RALYL: variants seen among roughly 807,000 people sequenced by gnomAD.
RALYL encodes the protein RALY RNA binding protein like.
RALYL carries 29 observed loss-of-function variants against 35.1 expected under a neutral mutation model. The ratio of observed to expected loss-of-function variants is 0.83; its 90% CI spans 0.61 to 1.13. The LOEUF is 1.13. Among genes scored for constraint, RALYL ranks in the 50% most tolerant of loss-of-function variants. The pLI, the probability that RALYL is intolerant of heterozygous loss-of-function variation, is 0.00. For synonymous variants in RALYL, 120 were observed against 127.6 expected (o/e 0.94, Z 0.40); for missense variants, 359 against 360.4 (o/e 1.00, Z 0.03).
chr8:84,490,079 ATGTGTGTGTGTGTGTGTG>A (rs143193843), intron 1 of RALYL, among the ~76,000 whole-genome samples: 2 of 144,358 alleles, frequency 1.4e-5, no homozygotes, highest in Admixed American at 1.4e-4. Flanking sequence ...GCTTGCGTGC[ATGTGTGTGTGTGTGTGTG>A]TGTGTGTGTG....
At chr8:84,572,542 G>A (rs1027146737) in intron 2 of RALYL, among the ~76,000 whole-genome samples, 19 of 151,778 alleles carry the variant, frequency 1.3e-4, no homozygotes, top group African/African-American at 4.6e-4. Context: ...AACTTATACA[G>A]TGGTATTGGC....
chr8:84,260,791 G>A (rs1832115969), intron 1 of RALYL, among the ~76,000 whole-genome samples: 1 of 152,094 alleles, frequency 6.6e-6, no homozygotes, highest in African/African-American at 2.4e-5. Flanking sequence ...CATAGAACCA[G>A]TTACCTAAAA....
At chr8:84,454,431 T>C (rs2049902371) in intron 1 of RALYL, among the ~76,000 whole-genome samples, 1 of 151,930 alleles carries the variant, frequency 6.6e-6, no homozygotes, top group Non-Finnish European at 1.5e-5. Context: ...CTACTTGCGA[T>C]CTTTAAGGAT....
intron 1 of RALYL, among the ~76,000 whole-genome samples, chr8:84,521,558 C>G (rs1421730584): frequency 6.6e-6 from 1 of 152,192 alleles, no homozygotes; most frequent in Non-Finnish European, 1.5e-5. Context: ...ATAGAACCCT[C>G]TGCCAAATTA....
chr8:84,494,385 G>T (rs2055743161), intron 1 of RALYL, among the ~76,000 whole-genome samples: 1 of 151,914 alleles, frequency 6.6e-6, no homozygotes, highest in African/African-American at 2.4e-5. Context: ...TTTGCTATGT[G>T]GGCTTTTTGG....
intron 8 of RALYL, among the ~76,000 whole-genome samples, chr8:84,898,536 A>G (rs1028690460): frequency 3.3e-5 from 5 of 152,208 alleles, no homozygotes; most frequent in African/African-American, 1.2e-4. Flanking sequence ...GACACTTCAC[A>G]AAAGAGGTAA....
At chr8:84,324,881 C>A (rs1006940587) in intron 1 of RALYL, among the ~76,000 whole-genome samples, 1 of 152,046 alleles carries the variant, frequency 6.6e-6, no homozygotes, top group African/African-American at 2.4e-5. Context: ...TAATAATGTG[C>A]TTTCATCAGG....
chr8:84,831,490 A>G (rs1473047686), intron 4 of RALYL, among the ~76,000 whole-genome samples: 3 of 152,148 alleles, frequency 2.0e-5, no homozygotes, highest in Admixed American at 6.5e-5. Context: ...GGTTTTGTCT[A>G]TCCTGAACAC....
chr8:84,762,578 A>AT (rs1392035735), intron 2 of RALYL, among the ~76,000 whole-genome samples: 1 of 152,182 alleles, frequency 6.6e-6, no homozygotes, highest in Admixed American at 6.6e-5. Context: ...TAAGCAATGG[A>AT]TTTTTTAAGT....
intron 1 of RALYL, among the ~76,000 whole-genome samples, chr8:84,391,498 C>T (rs1021190317): frequency 1.8e-4 from 28 of 152,190 alleles, no homozygotes; most frequent in African/African-American, 6.5e-4. Context: ...AGGTTATTCT[C>T]ACCCCAAACC....
intron 2 of RALYL, among the ~76,000 whole-genome samples, chr8:84,652,848 G>A (rs1829132505): frequency 6.6e-6 from 1 of 151,888 alleles, no homozygotes; most frequent in African/African-American, 2.4e-5. Flanking sequence ...TGTCTCATTT[G>A]GATGATAAAT....
chr8:84,458,799 G>T (rs2050421824), intron 1 of RALYL, among the ~76,000 whole-genome samples: 1 of 151,562 alleles, frequency 6.6e-6, no homozygotes, highest in East Asian at 1.9e-4. Flanking sequence ...TGCTTGTATG[G>T]TATTAAAATA....
intron 8 of RALYL, among the ~76,000 whole-genome samples, chr8:84,906,011 T>C (rs1846430717): frequency 6.6e-6 from 1 of 152,128 alleles, no homozygotes; most frequent in Non-Finnish European, 1.5e-5. Flanking sequence ...CAGCAATTCA[T>C]TGAAGTAAAG....
intron 1 of RALYL, among the ~76,000 whole-genome samples, chr8:84,510,848 C>T (rs1203948213): frequency 6.6e-6 from 1 of 151,734 alleles, no homozygotes; most frequent in African/African-American, 2.4e-5. Context: ...TATGGGGAAG[C>T]TTGTGATGTT....
chr8:84,495,181 T>C (rs2055867274), intron 1 of RALYL, among the ~76,000 whole-genome samples: 1 of 152,140 alleles, frequency 6.6e-6, no homozygotes, highest in Admixed American at 6.6e-5. Context: ...TTGATTGATA[T>C]ACAGAAGAAA....
In RALYL at chr8:84,887,625, AAG is replaced by A. The variant is rs1843123225; in HGVS notation, c.712_713del (p.Leu239SerfsTer21). ...CCAGAAGCTCAGAAGAAGCAATTGG[AAG>A]AGAGTCTAGTGCTGATCCAAGAGGA... On this transcript the variant is annotated frameshift_variant, in exon 8 of 9. Transcript: ENST00000521268. LOFTEE classifies it high-confidence loss of function. 1 of 1,603,022 alleles carries A rather than the reference AAG, an allele frequency of 6.2e-7. No individual in the cohort carries two copies. The highest frequency in any genetic ancestry group is 8.5e-7 in the Non-Finnish European group (1 of 1,173,934).
At chr8:84,858,547 G>A (rs1237149833) in intron 5 of RALYL, among the ~76,000 whole-genome samples, 1 of 152,186 alleles carries the variant, frequency 6.6e-6, no homozygotes, top group Non-Finnish European at 1.5e-5. Flanking sequence ...CTAGCCTGGA[G>A]ATTTAGATTC....
chr8:84,634,769 G>T (rs1564282221), intron 2 of RALYL, among the ~76,000 whole-genome samples: 2 of 151,740 alleles, frequency 1.3e-5, no homozygotes, highest in Non-Finnish European at 3.0e-5. Context: ...GAGAGAAAGA[G>T]AACTTCAAGG....
At chr8:84,493,543 C>G (rs927807721) in intron 1 of RALYL, among the ~76,000 whole-genome samples, 1 of 151,992 alleles carries the variant, frequency 6.6e-6, no homozygotes, top group African/African-American at 2.4e-5. Context: ...ACAGTAAAAG[C>G]TTTCCTATTT....
Sources: allele counts gnomAD v4.1 joint callset (sites outside exome capture counted in the v4.1 genomes callset), GRCh38; gene constraint gnomAD v4.1.1; transcripts MANE v1.5; gene names NCBI Gene and HGNC (gene_info 2026-07-23, HGNC 2026-07-21).